Variants in CSMD1 observed in about 807,000 individuals in gnomAD.
CSMD1 encodes the protein CUB and Sushi multiple domains 1.
In CSMD1, 213 loss-of-function variants were observed where a neutral mutation model predicts 417.5. The observed-to-expected ratio is 0.51, with a 90% CI of 0.46 to 0.57. The LOEUF is 0.57. Ranked by LOEUF, CSMD1 falls within the 20% of genes least tolerant of loss-of-function variation. CSMD1 has a pLI of 0.00. For synonymous variants in CSMD1, 2,862 were observed against 1,736.8 expected (o/e 1.65, Z -16.11); for missense variants, 6,923 against 4,529.7 (o/e 1.53, Z -15.17).
intron 3 of CSMD1, among the ~76,000 whole-genome samples, chr8:4,119,987 T>C (rs1333634475): frequency 1.3e-5 from 2 of 152,088 alleles, no homozygotes; most frequent in Non-Finnish European, 2.9e-5. Context: ...TAAGACCTAG[T>C]ATTTGATAGC....
intron 7 of CSMD1, among the ~76,000 whole-genome samples, chr8:3,677,990 C>T (rs1170459336): frequency 6.6e-6 from 1 of 152,130 alleles, no homozygotes; most frequent in Non-Finnish European, 1.5e-5. Context: ...GACTCACAGC[C>T]TCCATCTGGG....
Position 4,414,328 on chromosome 8 carries a change from G to A in CSMD1, c.415+5625C>T, listed in dbSNP as rs1442802256. Among the ~76,000 whole-genome samples, 3 of 152,112 alleles carry A rather than the reference G, an allele frequency of 2.0e-5. No homozygotes were observed. The East Asian group carries it at 5.8e-4, about 29-fold the overall frequency. On this transcript the variant is annotated intron_variant, in intron 3 of 69. Transcript: ENST00000635120. ...CATCCTAAATCACTTCCTGAAACCC[G>A]AAGAAAAGGTCTCTCTAGCAGCCCA...
intron 3 of CSMD1, among the ~76,000 whole-genome samples, chr8:4,297,482 G>A (rs1165178575): frequency 5.3e-5 from 8 of 152,146 alleles, no homozygotes; most frequent in Non-Finnish European, 1.2e-4. Flanking sequence ...ACTTTATTCA[G>A]TTAACCAAAG....
chr8:4,307,728 T>C (rs1434269664), intron 3 of CSMD1, among the ~76,000 whole-genome samples: 1 of 152,132 alleles, frequency 6.6e-6, no homozygotes, highest in East Asian at 1.9e-4. Context: ...TGAGTGGGAA[T>C]GAATACCTAC....
intron 3 of CSMD1, among the ~76,000 whole-genome samples, chr8:4,215,926 A>C (rs1800641350): frequency 6.6e-6 from 1 of 152,238 alleles, no homozygotes; most frequent in African/African-American, 2.4e-5. Flanking sequence ...ACGTGGATTC[A>C]TGCAGGACTG....
chr8:4,141,851 A>T (rs1480345445), intron 3 of CSMD1, among the ~76,000 whole-genome samples: 1 of 151,126 alleles, frequency 6.6e-6, no homozygotes, highest in Non-Finnish European at 1.5e-5. Context: ...GACTAACAGT[A>T]CCATTTAGAT....
At chr8:3,460,932 C>T (rs1816460950) in intron 12 of CSMD1, among the ~76,000 whole-genome samples, 1 of 152,084 alleles carries the variant, frequency 6.6e-6, no homozygotes, top group Admixed American at 6.5e-5. Flanking sequence ...AATAGAAGGG[C>T]TAGTTTTGTT....
At chr8:4,565,752 A>ATATATATG (rs1798571397) in intron 2 of CSMD1, among the ~76,000 whole-genome samples, 1 of 1,008 alleles carries the variant, frequency 9.9e-4, no homozygotes, top group African/African-American at 2.0e-3. Context: ...ATATATACAT[A>ATATATATG]TATATATATA....
intron 1 of CSMD1, among the ~76,000 whole-genome samples, chr8:4,760,590 C>T (rs28377110): frequency 0.012 from 1,776 of 152,110 alleles, 24 homozygotes; most frequent in African/African-American, 0.041. Flanking sequence ...AATAATTATA[C>T]CTATGAAAAA....
chr8:4,292,996 G>A (rs1029434271), intron 3 of CSMD1, among the ~76,000 whole-genome samples: 1 of 152,172 alleles, frequency 6.6e-6, no homozygotes, highest in Non-Finnish European at 1.5e-5. Context: ...CTTTTCTTCA[G>A]GTGCAGAGGG....
intron 11 of CSMD1, among the ~76,000 whole-genome samples, chr8:3,484,428 A>T (rs13439625): frequency 2.0e-5 from 3 of 152,110 alleles, no homozygotes; most frequent in African/African-American, 7.2e-5. Context: ...CCATATACAA[A>T]AACTAACTCA....
chr8:3,277,876 C>T (rs17391851), intron 26 of CSMD1, among the ~76,000 whole-genome samples: 9,442 of 152,208 alleles, frequency 0.062, 397 homozygotes, highest in Middle Eastern at 0.085. Flanking sequence ...GCCAACATTC[C>T]ATCATTTCTT....
chr8:3,672,074 C>A (rs73183307), intron 7 of CSMD1, among the ~76,000 whole-genome samples: 22,343 of 152,136 alleles, frequency 0.15, 1,977 homozygotes, highest in South Asian at 0.22. Context: ...ATCTTACTTT[C>A]AAAGTGTATC....
chr8:4,366,295 G>C (rs1413223936), intron 3 of CSMD1, among the ~76,000 whole-genome samples: 1 of 149,904 alleles, frequency 6.7e-6, no homozygotes. Flanking sequence ...GTCTCACTTT[G>C]CATATGTACC....
At chr8:4,040,535 G>A (rs1188605657) in intron 3 of CSMD1, among the ~76,000 whole-genome samples, 1 of 152,154 alleles carries the variant, frequency 6.6e-6, no homozygotes, top group Non-Finnish European at 1.5e-5. Context: ...CAGAAGAGGT[G>A]ATGATAAAGT....
intron 5 of CSMD1, among the ~76,000 whole-genome samples, chr8:3,935,829 T>G (rs556929553): frequency 6.6e-6 from 1 of 152,186 alleles, no homozygotes; most frequent in African/African-American, 2.4e-5. Context: ...AAGAGTCACA[T>G]GTCTCTATCA....
intron 5 of CSMD1, among the ~76,000 whole-genome samples, chr8:3,997,497 G>C (rs1041946216): frequency 6.6e-6 from 1 of 152,198 alleles, no homozygotes. Context: ...GAAGAAAAAG[G>C]AAAGCACAAT....
chr8:3,892,275 A>G (rs867559122), intron 5 of CSMD1, among the ~76,000 whole-genome samples: 1 of 152,214 alleles, frequency 6.6e-6, no homozygotes, highest in Non-Finnish European at 1.5e-5. Flanking sequence ...ATCCAGCACA[A>G]AGAACAACTA....
intron 30 of CSMD1, among the ~76,000 whole-genome samples, chr8:3,207,631 C>G (rs913256779): frequency 2.0e-5 from 3 of 152,070 alleles, no homozygotes; most frequent in African/African-American, 7.2e-5. Context: ...AAGAAATTTC[C>G]TGAATCCCTG....
Sources: gnomAD v4.1 joint callset for allele counts (sites outside exome capture counted in the v4.1 genomes callset) on GRCh38, gnomAD v4.1.1 for gene constraint, MANE v1.5 for transcripts, NCBI Gene and HGNC (gene_info 2026-07-23, HGNC 2026-07-21) for gene names.